Variants in MANBA observed in about 807,000 individuals in gnomAD.
The protein encoded by MANBA is beta-mannosidase.
A neutral mutation model predicts 111.1 loss-of-function variants in MANBA; 83 were observed. That is an observed-to-expected ratio of 0.75 (90% CI 0.63 to 0.90). The LOEUF is 0.90. MANBA is among the 40% of genes least tolerant of loss of function. The pLI is 0.00. For missense variants in MANBA, 1,036 were observed against 1,069.0 expected (o/e 0.97, Z 0.43); for synonymous variants, 370 against 378.7 (o/e 0.98, Z 0.27).
rs748005550 is a variant in MANBA, at chr4:102,714,549, A to C, written c.562T>G (p.Phe188Val). The C allele has an allele frequency of 3.1e-6, 5 of 1,608,670 alleles. No individual in the cohort carries two copies. In the Admixed American group the frequency reaches 8.3e-5, roughly 27 times the overall value. The change falls in exon 5 of 17, where the codon TTT becomes GTT. Residue 188 changes from phenylalanine (F) to valine (V), a missense_variant. Coordinates refer to ENST00000647097, the MANE Select transcript of MANBA (RefSeq NM_005908.4). ...VNFVRKEQCS[F>V]SWDWGPSFPT... ...AAGGAAGGCCCCCAGTCCCAACTAA[A>C]GGAACATTGCTCCTGCAATTTCAAG... is the stretch of plus-strand genomic sequence containing the variant.
intron 14 of MANBA, among the ~76,000 whole-genome samples, chr4:102,638,887 A>G (rs919766860): frequency 1.3e-5 from 2 of 152,124 alleles, no homozygotes; most frequent in Non-Finnish European, 2.9e-5. Context: ...CCTGCACTCT[A>G]GCCTGGGTGT....
intron 4 of MANBA, among the ~76,000 whole-genome samples, chr4:102,716,849 T>C (rs1722356298): frequency 6.6e-6 from 1 of 152,152 alleles, no homozygotes; most frequent in Non-Finnish European, 1.5e-5. Flanking sequence ...CTGTTGTCAT[T>C]TGGGTATTAT....
At chr4:102,716,290 C>G (rs1212228715) in intron 4 of MANBA, among the ~76,000 whole-genome samples, 9 of 57,330 alleles carry the variant, frequency 1.6e-4, no homozygotes, top group Non-Finnish European at 1.2e-4. Flanking sequence ...GCCTGGGCAA[C>G]AAGAGTGAAA....
chr4:102,670,455 C>T (rs1192206324), intron 9 of MANBA, among the ~76,000 whole-genome samples: 1 of 152,108 alleles, frequency 6.6e-6, no homozygotes, highest in Non-Finnish European at 1.5e-5. Flanking sequence ...TCTTCGGTGG[C>T]ACTCTTTATA....
At chr4:102,758,706 T>G (rs1724118830) in intron 1 of MANBA, among the ~76,000 whole-genome samples, 1 of 151,922 alleles carries the variant, frequency 6.6e-6, no homozygotes. Context: ...CCACGCCCAG[T>G]TAATTTTTTA....
intron 1 of MANBA, among the ~76,000 whole-genome samples, chr4:102,758,724 G>A (rs1724119710): frequency 6.6e-6 from 1 of 151,766 alleles, no homozygotes; most frequent in Non-Finnish European, 1.5e-5. Context: ...TTAATTTTTT[G>A]TAGAGACAGG....
At chr4:102,731,108 T>C (rs964850990) in intron 1 of MANBA, among the ~76,000 whole-genome samples, 1 of 152,142 alleles carries the variant, frequency 6.6e-6, no homozygotes, top group Non-Finnish European at 1.5e-5. Flanking sequence ...TGGTCTCCTT[T>C]GTTCTCTGTG....
chr4:102,735,820 T>C (rs1723197000), intron 1 of MANBA, among the ~76,000 whole-genome samples: 2 of 152,190 alleles, frequency 1.3e-5, no homozygotes, highest in African/African-American at 4.8e-5. Context: ...ATCTTCATAA[T>C]AAACACGTAC....
At chr4:102,759,134 TTTC>T (rs1351082103) in intron 1 of MANBA, among the ~76,000 whole-genome samples, 169 of 113,374 alleles carry the variant, frequency 1.5e-3, no homozygotes, top group Admixed American at 5.4e-4. Flanking sequence ...TAATTCTTTC[TTTC>T]TTTTTTTTTT....
intron 4 of MANBA, 144 bp downstream of exon 4, chr4:102,722,727 A>G (rs971784208): frequency 3.7e-5 from 29 of 790,216 alleles, no homozygotes; most frequent in Non-Finnish European, 3.4e-5. Context: ...TTTGGTTCTT[A>G]TTTCAAATTT....
chr4:102,728,055 T>A (rs2110197150), intron 1 of MANBA: 2 of 513,100 alleles, frequency 3.9e-6, no homozygotes, highest in South Asian at 1.5e-5. Flanking sequence ...TTTGCAGGGG[T>A]GGAGATAGAA....
intron 1 of MANBA, among the ~76,000 whole-genome samples, chr4:102,759,173 T>C (rs1175297023): frequency 6.6e-6 from 1 of 151,184 alleles, no homozygotes; most frequent in Non-Finnish European, 1.5e-5. Context: ...TCTCTCTATG[T>C]TGGCCATGCT....
intron 14 of MANBA, among the ~76,000 whole-genome samples, chr4:102,637,507 C>T (rs1007957848): frequency 6.6e-6 from 1 of 152,170 alleles, no homozygotes; most frequent in East Asian, 1.9e-4. Flanking sequence ...TTAGATCATA[C>T]CCGCTTTGTC....
chr4:102,684,808 T>C (rs1425255158), intron 7 of MANBA, among the ~76,000 whole-genome samples: 2 of 152,164 alleles, frequency 1.3e-5, no homozygotes, highest in African/African-American at 4.8e-5. Flanking sequence ...AACAAAGCGA[T>C]GATTCATGTC....
At chr4:102,688,292 C>A (rs542062439) in intron 7 of MANBA, among the ~76,000 whole-genome samples, 6 of 149,806 alleles carry the variant, frequency 4.0e-5, no homozygotes, top group Non-Finnish European at 7.4e-5. Context: ...TGTGCGTGCG[C>A]GCGCACACAC....
At chr4:102,714,244 C>T (rs1448137508) in intron 5 of MANBA, among the ~76,000 whole-genome samples, 194 bp downstream of exon 5, 1 of 152,188 alleles carries the variant, frequency 6.6e-6, no homozygotes, top group Non-Finnish European at 1.5e-5. Context: ...TACCTACCTA[C>T]ATATCTGCTT....
chr4:102,655,527 G>A (rs1252487777), intron 12 of MANBA, among the ~76,000 whole-genome samples: 1 of 152,098 alleles, frequency 6.6e-6, no homozygotes, highest in African/African-American at 2.4e-5. Context: ...TTGATTTTCA[G>A]GGCCAAAAGA....
chr4:102,671,353 A>G lies in MANBA; in HGVS notation c.1158T>C (p.Thr386=), dbSNP rs1211748541. The change falls in exon 9 of 17, where the codon ACT becomes ACC. Residue 386 remains threonine, a synonymous_variant. Coordinates refer to ENST00000647097, the MANE Select transcript of MANBA (RefSeq NM_005908.4). The stretch of plus-strand genomic sequence containing the variant: ...AAATTCCTCCTCCCCAAACCCGAAG[A>G]GTATTCATATTAGCATCCACAACAG... ...LQSVVDANMN[T]LRVWGGGIYE... is the part of the protein sequence containing the mutation. 1 of 1,609,458 alleles carries G rather than the reference A, an allele frequency of 6.2e-7. No homozygotes were observed. Among genetic ancestry groups the G allele is most frequent in the East Asian group, 2.2e-5 (1 of 44,768 alleles).
intron 5 of MANBA, among the ~76,000 whole-genome samples, chr4:102,705,803 T>G (rs1481010904): frequency 6.6e-6 from 1 of 152,036 alleles, no homozygotes; most frequent in Non-Finnish European, 1.5e-5. Context: ...GAGCAAATGG[T>G]CTGGAAGCCT....
Sources: allele counts gnomAD v4.1 joint callset (sites outside exome capture counted in the v4.1 genomes callset), GRCh38; gene constraint gnomAD v4.1.1; transcripts MANE v1.5; gene names NCBI Gene and HGNC (gene_info 2026-07-23, HGNC 2026-07-21).